The following TOX variants were observed in gnomAD, a reference collection of about 807,000 sequenced individuals.
TOX encodes thymocyte selection associated high mobility group box, also known as thymocyte selection-associated high mobility group box protein TOX.
A neutral mutation model predicts 53.7 loss-of-function variants in TOX; 11 were observed. The observed-to-expected ratio is 0.20, with a 90% confidence interval of 0.13 to 0.34. TOX has a LOEUF of 0.34. Among genes scored for constraint, TOX ranks in the 10% least tolerant of loss-of-function variants. The pLI is 1.00. For synonymous variants in TOX, 225 were observed against 245.3 expected, an observed-to-expected ratio of 0.92 and a Z score of 0.77; for missense variants, 570 against 664.6, an observed-to-expected ratio of 0.86 and a Z score of 1.56.
intron 3 of TOX, among the ~76,000 whole-genome samples, chr8:58,875,178 C>T (rs1340336031): frequency 6.6e-6 from 1 of 152,188 alleles, no homozygotes; most frequent in African/African-American, 2.4e-5. Context: ...ACTGCTTCTG[C>T]TTCACATGTG....
chr8:58,845,169 G>T lies in TOX; in HGVS notation c.693+6355C>A, dbSNP rs556206709. Among the ~76,000 whole-genome samples the T allele has an allele frequency of 2.2e-4, 34 of 152,178 alleles. No individual in the cohort carries two copies. The South Asian group carries it at 7.0e-3, about 32-fold the overall frequency. On this transcript the variant is annotated intron_variant, in intron 4 of 8. Transcript: ENST00000361421. ...AAGCATATTTAAAATAAACTGCCGCGGTCCCAAAGCCTTTAATGGAGCTGG... is the reference window on the plus strand; with the variant it reads ...AAGCATATTTAAAATAAACTGCCGCTGTCCCAAAGCCTTTAATGGAGCTGG...
intron 3 of TOX, among the ~76,000 whole-genome samples, chr8:58,930,890 G>A (rs1258953203): frequency 6.6e-6 from 1 of 152,144 alleles, no homozygotes; most frequent in African/African-American, 2.4e-5. Flanking sequence ...TCATGGCTAG[G>A]ATCTGGAAAT....
chr8:58,867,820 T>A (rs1377593766), intron 3 of TOX, among the ~76,000 whole-genome samples: 1 of 152,170 alleles, frequency 6.6e-6, no homozygotes, highest in Admixed American at 6.5e-5. Context: ...TTTGCTTGAC[T>A]TGTTTACTGC....
At position 59,060,394 on chromosome 8, in the gene TOX, A is replaced by G. The variant is rs1440110192; in HGVS notation, c.102+58492T>C. Among the ~76,000 whole-genome samples the G allele has an allele frequency of 2.0e-5, 3 of 152,200 alleles. 1 individual carries two copies. Among genetic ancestry groups the G allele is most frequent in the South Asian group, 4.1e-4 (2 of 4,834 alleles). ...CGTAATCCTGGCACTTTGGGAGGCCAAGGCGGGCAGATCACGAGGTCAGGA... is the reference window on the plus strand; with the variant it reads ...CGTAATCCTGGCACTTTGGGAGGCCGAGGCGGGCAGATCACGAGGTCAGGA... On this transcript the variant is annotated intron_variant, in intron 1 of 8. Coordinates refer to ENST00000361421, the MANE Select transcript of TOX (RefSeq NM_014729.3).
chr8:58,889,933 G>T (rs1318268497), intron 3 of TOX, among the ~76,000 whole-genome samples: 1 of 152,030 alleles, frequency 6.6e-6, no homozygotes, highest in Non-Finnish European at 1.5e-5. Context: ...AACCTTAGAG[G>T]CTATATATGT....
chr8:58,863,085 G>T (rs1811038352), intron 3 of TOX, among the ~76,000 whole-genome samples: 1 of 151,978 alleles, frequency 6.6e-6, no homozygotes, highest in East Asian at 1.9e-4. Flanking sequence ...ATGTCATTAT[G>T]GTCTAAAGTG....
At chr8:58,881,434 A>T (rs1357578682) in intron 3 of TOX, among the ~76,000 whole-genome samples, 1 of 152,108 alleles carries the variant, frequency 6.6e-6, no homozygotes, top group Non-Finnish European at 1.5e-5. Flanking sequence ...ATTAAGACGT[A>T]GAGAGTAAGG....
chr8:58,838,425 AGGCTTTTCTAAGG>A, intron 4 of TOX, 114 bp from the exon 5 acceptor site: 1 of 786,956 alleles, frequency 1.3e-6, no homozygotes, highest in Non-Finnish European at 2.0e-6. Context: ...ACTCAAACAC[AGGCTTTTCTAAGG>A]GACACATTGT....
At chr8:58,992,642 C>T (rs1339795119) in intron 1 of TOX, among the ~76,000 whole-genome samples, 1 of 152,134 alleles carries the variant, frequency 6.6e-6, no homozygotes, top group African/African-American at 2.4e-5. Context: ...AAAAATACAC[C>T]ATATCTTAAT....
At chr8:58,988,748 A>C (rs1014375047) in intron 1 of TOX, among the ~76,000 whole-genome samples, 4 of 152,226 alleles carry the variant, frequency 2.6e-5, no homozygotes, top group Non-Finnish European at 5.9e-5. Flanking sequence ...GCCAATGTGC[A>C]CAGGAAATCT....
At chr8:58,839,034 G>A (rs1296748387) in intron 4 of TOX, among the ~76,000 whole-genome samples, 4 of 152,046 alleles carry the variant, frequency 2.6e-5, no homozygotes, top group Non-Finnish European at 2.9e-5. Flanking sequence ...TTAAAACCTC[G>A]GGGGCAGCAT....
chr8:58,927,615 A>G (rs1357613164), intron 3 of TOX, among the ~76,000 whole-genome samples: 3 of 152,230 alleles, frequency 2.0e-5, no homozygotes, highest in Non-Finnish European at 4.4e-5. Flanking sequence ...GTCGGAGCCC[A>G]ATAAATGTCA....
At chr8:58,839,671 T>A (rs1314852824) in intron 4 of TOX, among the ~76,000 whole-genome samples, 1 of 152,266 alleles carries the variant, frequency 6.6e-6, no homozygotes, top group African/African-American at 2.4e-5. Context: ...AATTTCCACA[T>A]GCCTTGCCCC....
chr8:58,981,615 T>C (rs1813207407), intron 1 of TOX, among the ~76,000 whole-genome samples: 1 of 152,156 alleles, frequency 6.6e-6, no homozygotes, highest in Admixed American at 6.5e-5. Context: ...TTCCATCACA[T>C]TTTCCACCTC....
intron 1 of TOX, 148 bp from the exon 2 acceptor site, chr8:58,960,156 G>T: frequency 1.2e-6 from 1 of 800,986 alleles, no homozygotes; most frequent in Non-Finnish European, 2.0e-6. Flanking sequence ...ATCTGTCACA[G>T]CAAGCGAGCC....
At chr8:59,033,072 A>G (rs1375950452) in intron 1 of TOX, among the ~76,000 whole-genome samples, 3 of 152,138 alleles carry the variant, frequency 2.0e-5, no homozygotes, top group Non-Finnish European at 2.9e-5. Context: ...CAAGAAAGAA[A>G]AAAAGAAACC....
At chr8:59,068,661 C>T (rs967336176) in intron 1 of TOX, among the ~76,000 whole-genome samples, 2 of 151,988 alleles carry the variant, frequency 1.3e-5, no homozygotes, top group Admixed American at 6.6e-5. Context: ...AATATTATAC[C>T]CATTTTAATG....
intron 3 of TOX, among the ~76,000 whole-genome samples, chr8:58,878,679 C>T (rs1811328152): frequency 6.6e-6 from 1 of 152,114 alleles, no homozygotes; most frequent in Admixed American, 6.6e-5. Flanking sequence ...GTTTCTAGCT[C>T]TCTTATGGAT....
chr8:58,944,676 C>T (rs986113225), intron 2 of TOX, among the ~76,000 whole-genome samples: 1 of 152,146 alleles, frequency 6.6e-6, no homozygotes, highest in African/African-American at 2.4e-5. Context: ...GCATTAAAAA[C>T]AAAAACATAT....
Sources: gnomAD v4.1 joint callset for allele counts (sites outside exome capture counted in the v4.1 genomes callset) on GRCh38, gnomAD v4.1.1 for gene constraint, MANE v1.5 for transcripts, NCBI Gene and HGNC (gene_info 2026-07-23, HGNC 2026-07-21) for gene names.